Variants in ITPR1 observed in about 807,000 individuals in gnomAD.
ITPR1 encodes inositol 1,4,5-trisphosphate receptor type 1, also known as inositol 1,4,5-trisphosphate-gated calcium channel ITPR1.
In ITPR1, 96 loss-of-function variants were observed where a neutral mutation model predicts 318.4. The observed-to-expected ratio is 0.30, with a 90% CI of 0.26 to 0.36. The LOEUF (loss-of-function observed/expected upper bound fraction) is 0.36. Ranked by LOEUF, ITPR1 falls within the 10% of genes least tolerant of loss-of-function variation. The pLI, the probability that ITPR1 is intolerant of heterozygous loss-of-function variation, is 1.00. For missense variants in ITPR1, 2,440 were observed against 3,460.2 expected, an observed-to-expected ratio of 0.71 and a Z score of 7.40; for synonymous variants, 1,312 against 1,289.9, an observed-to-expected ratio of 1.02 and a Z score of -0.37.
chr3:4,561,958 C>CCTAGGCCACTGACAAAA (rs2086715634), intron 4 of ITPR1, among the ~76,000 whole-genome samples: 1 of 152,048 alleles, frequency 6.6e-6, no homozygotes, highest in Non-Finnish European at 1.5e-5. Context: ...TCAATTTTGT[C>CCTAGGCCACTGACAAAA]TTTAACATTT....
chr3:4,513,010 C>T (rs2081948362), intron 2 of ITPR1, among the ~76,000 whole-genome samples: 3 of 152,120 alleles, frequency 2.0e-5, no homozygotes, highest in Admixed American at 6.5e-5. Context: ...GGCAGGTTGG[C>T]GCCAGCTCTG....
chr3:4,563,501 C>A (rs898711848), intron 4 of ITPR1, among the ~76,000 whole-genome samples: 1 of 151,738 alleles, frequency 6.6e-6, no homozygotes, highest in Non-Finnish European at 1.5e-5. Flanking sequence ...AGAATGAGAC[C>A]CTGTCTCAAA....
intron 46 of ITPR1, among the ~76,000 whole-genome samples, chr3:4,770,904 A>G (rs2046144782): frequency 6.6e-6 from 1 of 152,116 alleles, no homozygotes; most frequent in Admixed American, 6.5e-5. Context: ...ACCACTAGTC[A>G]CGGGATTCAG....
intron 4 of ITPR1, among the ~76,000 whole-genome samples, chr3:4,522,547 G>T (rs2082647283): frequency 6.6e-6 from 1 of 152,190 alleles, no homozygotes; most frequent in African/African-American, 2.4e-5. Flanking sequence ...TAAAGAGAGA[G>T]AATAACAGTT....
Position 4,733,134 on chromosome 3 carries a change from T to C in ITPR1, c.5267T>C (p.Val1756Ala), listed in dbSNP as rs377243043. The C allele has an allele frequency of 7.1e-5, 114 of 1,613,764 alleles. 1 individual carries two copies. Among genetic ancestry groups the C allele is most frequent in the South Asian group, 3.0e-4 (27 of 91,048 alleles). ...CTGGTCAACCGTTACTATGGAAACG[T>C]CAGACCTTCGGGACGAAGAGAGAGC... ...QVLVNRYYGN[V>A]RPSGRRESLT... Residue 1756 changes from valine (V) to alanine (A), a missense_variant, in exon 43 of 62, where the codon GTC becomes GCC. Around this residue, in one of 23 missense-constraint regions of ITPR1, gnomAD observed 166 missense variants for 143.7 expected, o/e 1.16. Transcript: ENST00000649015.
intron 2 of ITPR1, among the ~76,000 whole-genome samples, chr3:4,496,042 C>T (rs2080536521): frequency 6.6e-6 from 1 of 152,196 alleles, no homozygotes; most frequent in South Asian, 2.1e-4. Context: ...TTTGGAAAGC[C>T]TGAATGGGGA....
chr3:4,647,701 G>T (rs1559607682), intron 10 of ITPR1, among the ~76,000 whole-genome samples: 1 of 152,216 alleles, frequency 6.6e-6, no homozygotes, highest in Non-Finnish European at 1.5e-5. Flanking sequence ...TTTAGTAGGT[G>T]TGTAGTGAAA....
chr3:4,801,522 G>A (rs2048229973), intron 54 of ITPR1, among the ~76,000 whole-genome samples: 1 of 152,130 alleles, frequency 6.6e-6, no homozygotes, highest in South Asian at 2.1e-4. Flanking sequence ...CCAGCACTTT[G>A]GGAGGCCAGG....
intron 4 of ITPR1, among the ~76,000 whole-genome samples, chr3:4,596,841 G>T (rs548280818): frequency 2.0e-5 from 3 of 152,312 alleles, no homozygotes; most frequent in African/African-American, 7.2e-5. Context: ...TAGGAATCTG[G>T]TTGTAATTCA....
Position 4,670,795 on chromosome 3 carries a change from A to C in ITPR1, c.2073A>C (p.Gly691=), listed in dbSNP as rs1383939052. ...CTGGAGAGAATGCTCTGGAGGCAGGAGAAGACGAGGAAGAGGTGTGGCTGT... is the reference window on the plus strand; with the variant it reads ...CTGGAGAGAATGCTCTGGAGGCAGGCGAAGACGAGGAAGAGGTGTGGCTGT... The part of the protein sequence containing the change: ...SSTGENALEA[G]EDEEEVWLFW... The change falls in exon 20 of 62, where the codon GGA becomes GGC. Residue 691 remains glycine (G), a synonymous_variant. Coordinates refer to ENST00000649015, the MANE Select transcript of ITPR1 (RefSeq NM_001378452.1). 4 of 1,608,592 alleles carry C rather than the reference A, an allele frequency of 2.5e-6. No homozygotes were observed. The highest frequency in any genetic ancestry group is 3.4e-6 in the Non-Finnish European group (4 of 1,177,366).
chr3:4,649,256 C>A (rs969616504), intron 10 of ITPR1, among the ~76,000 whole-genome samples: 10 of 152,300 alleles, frequency 6.6e-5, no homozygotes, highest in African/African-American at 2.4e-4. Flanking sequence ...GATATTTTTG[C>A]ATAGTTGATA....
intron 10 of ITPR1, among the ~76,000 whole-genome samples, chr3:4,651,574 C>G (rs1055892973): frequency 6.6e-6 from 1 of 152,202 alleles, no homozygotes; most frequent in Admixed American, 6.5e-5. Flanking sequence ...ATCCAGTTTT[C>G]TAGTTGTCTA....
chr3:4,658,397 T>A, intron 13 of ITPR1, 119 bp downstream of exon 13: 1 of 896,430 alleles, frequency 1.1e-6, no homozygotes, highest in Non-Finnish European at 1.6e-6. Flanking sequence ...AAGGATTTGG[T>A]GAAAGGTTTG....
At chr3:4,534,935 G>A (rs2083724736) in intron 4 of ITPR1, among the ~76,000 whole-genome samples, 1 of 152,168 alleles carries the variant, frequency 6.6e-6, no homozygotes, top group African/African-American at 2.4e-5. Flanking sequence ...CTTCGGTCTT[G>A]TCGACAAAGA....
intron 33 of ITPR1, among the ~76,000 whole-genome samples, chr3:4,694,269 T>C (rs562756860): frequency 6.6e-6 from 1 of 150,664 alleles, no homozygotes; most frequent in East Asian, 1.9e-4. Context: ...TGATTAGTAA[T>C]GAAAAACTGG....
chr3:4,658,887 G>T (rs114546641), intron 13 of ITPR1, among the ~76,000 whole-genome samples: 17 of 152,146 alleles, frequency 1.1e-4, no homozygotes, highest in Admixed American at 5.2e-4. Flanking sequence ...CTTATTGAGC[G>T]CTGACTGCAT....
intron 57 of ITPR1, chr3:4,814,165 G>C (rs941064922): frequency 2.1e-6 from 1 of 466,084 alleles, no homozygotes; most frequent in Non-Finnish European, 3.9e-6. Flanking sequence ...ACCTGAAAAG[G>C]ACAGGGCATG....
Position 4,627,746 on chromosome 3 carries a change from G to T in ITPR1, c.164-17G>T. ...ACACCCTCAATGGCAATTTCTGTTT[G>T]TTTGCTTCACTTCTAGACTGCCTCT... On this transcript the variant is annotated splice_polypyrimidine_tract_variant and intron_variant, in intron 4 of 61. Transcript: ENST00000649015. The T allele has an allele frequency of 6.5e-7, 1 of 1,540,396 alleles. No homozygotes were observed. The highest frequency in any genetic ancestry group is 9.0e-7 in the Non-Finnish European group (1 of 1,114,954).
intron 7 of ITPR1, among the ~76,000 whole-genome samples, chr3:4,643,439 A>T (rs2093382750): frequency 6.6e-6 from 1 of 152,162 alleles, no homozygotes; most frequent in Non-Finnish European, 1.5e-5. Context: ...AGAAGATGAG[A>T]TGGACTTGAA....
Sources: allele counts gnomAD v4.1 joint callset (sites outside exome capture counted in the v4.1 genomes callset), GRCh38; gene constraint gnomAD v4.1.1; regional missense constraint gnomAD v4.1.1; transcripts MANE v1.5; gene names NCBI Gene and HGNC (gene_info 2026-07-23, HGNC 2026-07-21).